The following PRPF8 variants were observed in gnomAD, a reference collection of about 807,000 sequenced individuals.
PRPF8 encodes pre-mRNA-processing-splicing factor 8.
Under a neutral mutation model 285.9 loss-of-function variants are expected in PRPF8, and 64 were observed. That is an observed-to-expected ratio of 0.22 (90% CI 0.18 to 0.28). The LOEUF (loss-of-function observed/expected upper bound fraction) is 0.28. Ranked by LOEUF, PRPF8 falls within the 10% of genes least tolerant of loss-of-function variation. The pLI, the probability that PRPF8 is intolerant of heterozygous loss-of-function variation, is 1.00. For synonymous variants in PRPF8, 1,325 were observed against 1,118.2 expected (o/e 1.18, Z -3.69); for missense variants, 1,426 against 3,026.7 (o/e 0.47, Z 12.41).
rs151214963 is a variant in PRPF8, at chr17:1,658,346, G to A, written c.5412C>T (p.Asn1804=). The A allele has an allele frequency of 1.0e-3, 1,655 of 1,614,184 alleles. 35 individuals carry two copies. The East Asian group carries it at 0.035, about 34-fold the overall frequency. The part of the protein sequence containing the change: ...FEGNLTTKPI[N]GAIFIFNPRT... Reference sequence around the variant, plus strand: ...GTGGGTTGAAGATGAAGATGGCTCCGTTGATGGGCTTGGTTGTCAAGTTCC... The same window carrying A: ...GTGGGTTGAAGATGAAGATGGCTCCATTGATGGGCTTGGTTGTCAAGTTCC... The change falls in exon 34 of 43, where the codon AAC becomes AAT. Residue 1804 remains asparagine, a synonymous_variant. Coordinates refer to ENST00000304992, the MANE Select transcript of PRPF8 (RefSeq NM_006445.4). This position sits in a 1 kb window ranked among gnomAD's most constrained non-coding sequence, Gnocchi z 4.1.
In PRPF8 at chr17:1,679,503, GAAAA is replaced by G. The variant is rs58919772; in HGVS notation, c.1290-97_1290-94del. On this transcript the variant is annotated intron_variant, in intron 9 of 42. Transcript: ENST00000304992. This position sits in a 1 kb window ranked among gnomAD's most constrained non-coding sequence, Gnocchi z 4.7. Reference sequence around the variant, plus strand: ...CTTGGGTTGTCTACCATTTTTATGGGAAAAAAAAAAAAAGAATTTAAAAAAAAGG... The same window carrying G: ...CTTGGGTTGTCTACCATTTTTATGGGAAAAAAAAAGAATTTAAAAAAAAGG... The G allele has an allele frequency of 3.5e-6, 5 of 1,409,444 alleles. No homozygotes were observed. The highest frequency in any genetic ancestry group is 2.0e-5 in the Admixed American group (1 of 48,852). 87.3% of individuals were successfully genotyped at this position (1,409,444 alleles called of 1,614,324 possible). A position where few individuals can be genotyped will look rare whatever the true frequency, so the allele number is the denominator to read the frequency against.
intron 24 of PRPF8, among the ~76,000 whole-genome samples, chr17:1,671,417 G>A (rs1442834722): frequency 6.6e-6 from 1 of 152,136 alleles, no homozygotes; most frequent in Non-Finnish European, 1.5e-5. Flanking sequence ...GAACCTGTAA[G>A]TATAATGAAA....
In PRPF8 at chr17:1,673,290, G is replaced by A; in HGVS notation, c.3657+67C>T. 5 of 1,606,248 alleles carry A rather than the reference G, an allele frequency of 3.1e-6. No individual in the cohort carries two copies. The South Asian group carries it at 3.3e-5, about 11-fold the overall frequency. On this transcript the variant is annotated intron_variant, in intron 23 of 42. Coordinates refer to ENST00000304992, the MANE Select transcript of PRPF8 (RefSeq NM_006445.4). This position sits in a 1 kb window ranked among gnomAD's most constrained non-coding sequence, Gnocchi z 5.5. Reference sequence around the variant, plus strand: ...CCACTCAAGTCTTTCCACCCAACAAGACTCCGGTGACTGACCCAGGAAGTG... The same window carrying A: ...CCACTCAAGTCTTTCCACCCAACAAAACTCCGGTGACTGACCCAGGAAGTG...
Position 1,676,471 on chromosome 17 carries a change from C to T in PRPF8, c.2388+34G>A, listed in dbSNP as rs370796111. ...GTCCTCCCTCTTGCCCACTCCCCCA[C>T]CACTCACACCCAGCCCAGCCTACTC... is the stretch of plus-strand genomic sequence containing the variant. On this transcript the variant is annotated intron_variant, in intron 16 of 42. Coordinates refer to ENST00000304992, the MANE Select transcript of PRPF8 (RefSeq NM_006445.4). This position sits in a 1 kb window ranked among gnomAD's most constrained non-coding sequence, Gnocchi z 6.3. 2.5e-6 allele frequency: 4 copies of T among 1,614,076 alleles called. No homozygotes were observed. The Admixed American group carries it at 5.0e-5, about 20-fold the overall frequency.
intron 37 of PRPF8, chr17:1,654,540 C>T (rs1417371180): frequency 8.8e-6 from 2 of 227,732 alleles, no homozygotes; most frequent in Admixed American, 1.0e-4. Context: ...AAACAATGGC[C>T]AAGAGTCAGA....
intron 7 of PRPF8, 30 bp downstream of exon 7, chr17:1,680,899 T>C: frequency 6.2e-7 from 1 of 1,614,152 alleles, no homozygotes; most frequent in Non-Finnish European, 8.5e-7. Context: ...AGCCTTCTCC[T>C]TTCCAAATGT....
rs1912467305 is a variant in PRPF8 at position 1,673,945 on chromosome 17, A to G, written c.3300-53T>C. On this transcript the variant is annotated intron_variant, in intron 21 of 42. Coordinates refer to ENST00000304992, the MANE Select transcript of PRPF8 (RefSeq NM_006445.4). The surrounding 1 kb of genome is among the most constrained non-coding windows in gnomAD (Gnocchi z 5.5). ...GCCCCAGTACACTGAGATTTGGGAC[A>G]CCCACAAGTCCTCCAGCTCAATAGA... 2 of 1,601,600 alleles carry G rather than the reference A, an allele frequency of 1.2e-6. No individual in the cohort carries two copies. The highest frequency in any genetic ancestry group is 2.7e-5 in the African/African-American group (2 of 74,788).
intron 2 of PRPF8, among the ~76,000 whole-genome samples, chr17:1,684,130 G>GCC (rs1409052388): frequency 3.3e-5 from 5 of 151,996 alleles, no homozygotes; most frequent in Non-Finnish European, 7.4e-5. Flanking sequence ...CAGGTGATCC[G>GCC]CCCGCCTGGG....
chr17:1,657,079 G>T (rs952991010), intron 34 of PRPF8, among the ~76,000 whole-genome samples: 3 of 152,166 alleles, frequency 2.0e-5, no homozygotes, highest in Non-Finnish European at 4.4e-5. Context: ...GTGTCTTAAG[G>T]AGGGACTGTG....
Position 1,662,237 on chromosome 17 carries a change from C to T in PRPF8, c.3775-84G>A, listed in dbSNP as rs1911706958. Reference sequence around the variant, plus strand: ...ACTACTTGATGCAGTTAGTTTTATCCCTACTACTAAAGAAAGATTTGAGTT... The same window carrying T: ...ACTACTTGATGCAGTTAGTTTTATCTCTACTACTAAAGAAAGATTTGAGTT... On this transcript the variant is annotated intron_variant, in intron 24 of 42. Coordinates refer to ENST00000304992, the MANE Select transcript of PRPF8 (RefSeq NM_006445.4). The T allele has an allele frequency of 1.9e-5, 28 of 1,463,354 alleles. No homozygotes were observed. In the South Asian group the frequency reaches 2.8e-4, roughly 14 times the overall value. The allele number at this position is 1,463,354 out of a possible 1,614,324, so 90.6% of individuals were successfully genotyped here. A position where few individuals can be genotyped will look rare whatever the true frequency, so the allele number is the denominator to read the frequency against.
At chr17:1,667,704 T>C (rs534792693) in intron 24 of PRPF8, among the ~76,000 whole-genome samples, 1 of 152,168 alleles carries the variant, frequency 6.6e-6, no homozygotes, top group East Asian at 1.9e-4. Context: ...CCACCACGCC[T>C]GGCTAATTTT....
intron 34 of PRPF8, among the ~76,000 whole-genome samples, chr17:1,657,372 A>G (rs529985793): frequency 7.9e-5 from 12 of 152,246 alleles, no homozygotes; most frequent in South Asian, 2.1e-4. Flanking sequence ...TGGGCCGGGC[A>G]CGGTGGCTCA....
chr17:1,683,510 A>G, intron 3 of PRPF8, 23 bp downstream of exon 3: 1 of 1,613,794 alleles, frequency 6.2e-7, no homozygotes, highest in Non-Finnish European at 8.5e-7. Context: ...TTCCAAATGA[A>G]ATTATTTCAG....
intron 24 of PRPF8, among the ~76,000 whole-genome samples, chr17:1,662,488 C>T (rs191008385): frequency 1.2e-4 from 18 of 151,852 alleles, no homozygotes; most frequent in Non-Finnish European, 1.8e-4. Flanking sequence ...ACTCAGAAGG[C>T]TGAGGCAAGA....
chr17:1,665,832 T>C (rs1240305059), intron 24 of PRPF8, among the ~76,000 whole-genome samples: 95 of 90,198 alleles, frequency 1.1e-3, no homozygotes, highest in Middle Eastern at 9.4e-3. Flanking sequence ...GGTGAGAGAG[T>C]GAGACTCCAT....
At chr17:1,671,759 G>A (rs1224507737) in intron 24 of PRPF8, among the ~76,000 whole-genome samples, 2 of 150,842 alleles carry the variant, frequency 1.3e-5, no homozygotes, top group East Asian at 3.9e-4. Context: ...GCTGAGGCAG[G>A]AGAATGGCGT....
At chr17:1,664,956 G>C (rs949849378) in intron 24 of PRPF8, among the ~76,000 whole-genome samples, 10 of 151,880 alleles carry the variant, frequency 6.6e-5, no homozygotes, top group Admixed American at 2.0e-4. Context: ...ACGAGTTCAA[G>C]ACCAGCCTGG....
Position 1,677,234 on chromosome 17 carries a change from T to C in PRPF8, c.1985-62A>G, listed in dbSNP as rs1244283508. Reference sequence around the variant, plus strand: ...ATTCCTTGCTTTCAATAAGGGTCTCTACCTTCATGCTCCTCACTCATTATG... The same window carrying C: ...ATTCCTTGCTTTCAATAAGGGTCTCCACCTTCATGCTCCTCACTCATTATG... On this transcript the variant is annotated intron_variant, in intron 14 of 42. Transcript: ENST00000304992. 5 of 1,466,500 alleles carry C rather than the reference T, an allele frequency of 3.4e-6. No individual in the cohort carries two copies. In the East Asian group the frequency reaches 9.0e-5, roughly 27 times the overall value. The allele number at this position is 1,466,500 out of a possible 1,614,324, so 90.8% of individuals were successfully genotyped here.
rs780132806 is a variant in PRPF8, at chr17:1,673,175, T to G, written c.3680A>C (p.Gln1227Pro). The change falls in exon 24 of 43, where the codon CAG (glutamine) becomes CCG (proline). Residue 1227 changes from glutamine (Q) to proline (P), a missense_variant. By Grantham distance (76) the Gln-to-Pro change is moderately conservative (BLOSUM62 -1). Coordinates refer to ENST00000304992, the MANE Select transcript of PRPF8 (RefSeq NM_006445.4). This position sits in a 1 kb window ranked among gnomAD's most constrained non-coding sequence, Gnocchi z 5.5. Reference sequence around the variant, plus strand: ...CTCATCGTCCACACGCAGGAAACACTGAGCTGTGCGCTCCTTAGTAACCTA... The same window carrying G: ...CTCATCGTCCACACGCAGGAAACACGGAGCTGTGCGCTCCTTAGTAACCTA... ...QNEVTKERTA[Q>P]CFLRVDDESM... is the part of the protein sequence containing the mutation. 6.2e-7 allele frequency: 1 copy of G among 1,614,226 alleles called. No individual in the cohort carries two copies. Among genetic ancestry groups the G allele is most frequent in the Non-Finnish European group, 8.5e-7 (1 of 1,180,034 alleles).
Sources: allele counts gnomAD v4.1 joint callset (sites outside exome capture counted in the v4.1 genomes callset), GRCh38; gene constraint gnomAD v4.1.1; non-coding constraint Gnocchi (gnomAD v3.1); transcripts MANE v1.5; gene names NCBI Gene and HGNC (gene_info 2026-07-23, HGNC 2026-07-21).